The following FNIP2 variants were observed in gnomAD, a reference collection of about 807,000 sequenced individuals.
The protein encoded by FNIP2 is folliculin-interacting protein 2.
Under a neutral mutation model 108.7 loss-of-function variants are expected in FNIP2, and 32 were observed. The observed-to-expected ratio is 0.29, with a 90% CI of 0.22 to 0.40. The LOEUF (loss-of-function observed/expected upper bound fraction) is 0.40, where lower values mean the gene tolerates loss of function less well. Ranked by LOEUF, FNIP2 falls within the 10% of genes least tolerant of loss-of-function variation. FNIP2 has a pLI of 1.00. For synonymous variants in FNIP2, 480 were observed against 496.7 expected, an observed-to-expected ratio of 0.97 and a Z score of 0.45; for missense variants, 1,202 against 1,381.6, an observed-to-expected ratio of 0.87 and a Z score of 2.06.
intron 10 of FNIP2, among the ~76,000 whole-genome samples, chr4:158,861,022 C>T (rs1223542423): frequency 1.3e-5 from 2 of 152,176 alleles, no homozygotes; most frequent in East Asian, 3.8e-4. Context: ...GTGAGGCTTT[C>T]TAGTTCTGTA....
intron 7 of FNIP2, among the ~76,000 whole-genome samples, chr4:158,841,933 T>C (rs1296734336): frequency 6.6e-6 from 1 of 152,290 alleles, no homozygotes; most frequent in African/African-American, 2.4e-5. Flanking sequence ...CTTTGGCTTA[T>C]TCTTCTTTTC....
chr4:158,859,772 A>C (rs1780179132), intron 10 of FNIP2, 106 bp downstream of exon 10: 6 of 950,516 alleles, frequency 6.3e-6, no homozygotes, highest in Non-Finnish European at 9.8e-6. Context: ...GTTATTCCTC[A>C]CTTTTGTGGT....
At chr4:158,780,543 A>G (rs183905069) in intron 1 of FNIP2, among the ~76,000 whole-genome samples, 2 of 152,344 alleles carry the variant, frequency 1.3e-5, no homozygotes, top group East Asian at 3.9e-4. Flanking sequence ...CAATTTATAG[A>G]TTATAAATTT....
intron 14 of FNIP2, chr4:158,872,271 ATATTT>A (rs1334804902): frequency 1.0e-6 from 1 of 985,260 alleles, no homozygotes. Flanking sequence ...CATTCATGAA[ATATTT>A]TATGTTTCCA....
At chr4:158,854,714 T>G (rs1262745678) in intron 8 of FNIP2, among the ~76,000 whole-genome samples, 1 of 152,202 alleles carries the variant, frequency 6.6e-6, no homozygotes, top group Admixed American at 6.5e-5. Flanking sequence ...TGGACTGCCA[T>G]GTAGAAATGT....
chr4:158,780,812 C>G (rs1001039880), intron 1 of FNIP2, among the ~76,000 whole-genome samples: 1 of 152,142 alleles, frequency 6.6e-6, no homozygotes, highest in Non-Finnish European at 1.5e-5. Context: ...GCAGGCAGAT[C>G]ATTTGAGGTC....
chr4:158,896,325 C>T (rs1395394517), intron 16 of FNIP2, among the ~76,000 whole-genome samples: 1 of 152,092 alleles, frequency 6.6e-6, no homozygotes, highest in African/African-American at 2.4e-5. Context: ...TGTGGGGGGA[C>T]AGTGCTTTCC....
intron 6 of FNIP2, chr4:158,834,675 C>T (rs1778699757): frequency 6.6e-6 from 1 of 152,156 alleles, no homozygotes; most frequent in African/African-American, 2.4e-5. Flanking sequence ...GGCTGCTTGT[C>T]CATTTAAAAC....
chr4:158,778,249 A>G (rs1775922750), intron 1 of FNIP2, among the ~76,000 whole-genome samples: 1 of 152,194 alleles, frequency 6.6e-6, no homozygotes, highest in African/African-American at 2.4e-5. Flanking sequence ...AGCACACTAC[A>G]ATAGTCTTCC....
chr4:158,901,459 A>G (rs1222567716), intron 16 of FNIP2, among the ~76,000 whole-genome samples: 1 of 151,520 alleles, frequency 6.6e-6, no homozygotes, highest in Non-Finnish European at 1.5e-5. Flanking sequence ...TCTGACCATT[A>G]TGTGTCTTGG....
chr4:158,894,396 T>TC (rs1218910564), intron 15 of FNIP2, among the ~76,000 whole-genome samples: 5 of 152,170 alleles, frequency 3.3e-5, no homozygotes, highest in African/African-American at 9.6e-5. Flanking sequence ...GGTCTTGAAC[T>TC]CCTGGGCTCA....
intron 12 of FNIP2, among the ~76,000 whole-genome samples, chr4:158,862,012 TC>T (rs1244987175): frequency 6.6e-6 from 1 of 152,202 alleles, no homozygotes; most frequent in African/African-American, 2.4e-5. Flanking sequence ...AACTGTGTTC[TC>T]CCATTCCACA....
Position 158,769,151 on chromosome 4 carries a change from C to T in FNIP2, c.-62C>T. 1.2e-6 allele frequency: 1 copy of T among 840,628 alleles called. No individual in the cohort carries two copies. Among genetic ancestry groups the T allele is most frequent in the South Asian group, 5.2e-5 (1 of 19,242 alleles). The allele number at this position is 840,628 out of a possible 1,614,324, so 52.1% of individuals were successfully genotyped here. A position where few individuals can be genotyped will look rare whatever the true frequency, so the allele number is the denominator to read the frequency against. ...GGCCCCGCCACCGCGGCCGCCGCCC[C>T]CGGCTGCGCGCTGAGCCGCCGGCCC... On this transcript the variant is annotated 5_prime_UTR_variant, in exon 1 of 17. Transcript: ENST00000264433.
chr4:158,771,282 A>G (rs552113927), intron 1 of FNIP2, among the ~76,000 whole-genome samples: 12 of 152,360 alleles, frequency 7.9e-5, no homozygotes, highest in South Asian at 4.1e-4. Context: ...GTGAGCAAGG[A>G]TGCTGGACGA....
Position 158,881,908 on chromosome 4 carries a change from G to A in FNIP2, c.2950-9538G>A, listed in dbSNP as rs374637003. ...AAGTGAGGAGCGTCTCTGCCTGGCC[G>A]CCCATCGTCTGGGATGTGAGGAGCC... On this transcript the variant is annotated intron_variant, in intron 14 of 16. Transcript: ENST00000264433. Among the ~76,000 whole-genome samples the A allele has an allele frequency of 3.9e-5, 6 of 152,176 alleles. No individual in the cohort carries two copies. In the South Asian group the frequency reaches 6.2e-4, roughly 16 times the overall value.
intron 3 of FNIP2, 80 bp from the exon 4 acceptor site, chr4:158,831,781 G>T: frequency 2.2e-6 from 2 of 894,230 alleles, no homozygotes; most frequent in South Asian, 3.0e-5. Flanking sequence ...TGACACTAAC[G>T]AGATTAATAA....
At chr4:158,841,184 T>G (rs552118853) in intron 7 of FNIP2, among the ~76,000 whole-genome samples, 1 of 152,146 alleles carries the variant, frequency 6.6e-6, no homozygotes, top group Non-Finnish European at 1.5e-5. Flanking sequence ...CTTCTCAAGC[T>G]GGTTGGAGAA....
At chr4:158,859,354 A>G in intron 9 of FNIP2, 96 bp downstream of exon 9, 4 of 1,347,988 alleles carry the variant, frequency 3.0e-6, no homozygotes, top group Non-Finnish European at 4.1e-6. Context: ...GTCTTTCCTA[A>G]GGAAGTTAAA....
At chr4:158,890,416 C>G (rs1782222095) in intron 14 of FNIP2, 12 of 920,088 alleles carry the variant, frequency 1.3e-5, no homozygotes, top group Non-Finnish European at 1.4e-5. Flanking sequence ...TCACCACTCT[C>G]TTTCCCATTT....
Sources: allele counts gnomAD v4.1 joint callset (sites outside exome capture counted in the v4.1 genomes callset), GRCh38; gene constraint gnomAD v4.1.1; transcripts MANE v1.5; gene names NCBI Gene and HGNC (gene_info 2026-07-23, HGNC 2026-07-21).